The following CHN2 variants were observed in gnomAD, a reference collection of about 807,000 sequenced individuals.
CHN2 encodes the protein beta-chimaerin.
In CHN2, 35 loss-of-function variants were observed where a neutral mutation model predicts 56.3. The observed-to-expected ratio is 0.62, with a 90% CI of 0.47 to 0.82. CHN2 has a LOEUF of 0.82. Ranked by LOEUF, CHN2 falls within the 40% of genes least tolerant of loss-of-function variation. The probability of loss-of-function intolerance (pLI) is 0.00; values close to 1 mark genes in which losing one functional copy is unlikely to be tolerated. For synonymous variants in CHN2, 210 were observed against 212.8 expected (o/e 0.99, Z 0.12); for missense variants, 491 against 580.5 (o/e 0.85, Z 1.58).
At chr7:29,500,298 A>C (rs905634218) in intron 9 of CHN2, among the ~76,000 whole-genome samples, 1 of 152,154 alleles carries the variant, frequency 6.6e-6, no homozygotes, top group African/African-American at 2.4e-5. Flanking sequence ...GTAGGCATTG[A>C]GGTAATAAAG....
At chr7:29,483,433 A>C (rs1468784) in intron 7 of CHN2, among the ~76,000 whole-genome samples, 84 of 152,218 alleles carry the variant, frequency 5.5e-4, no homozygotes, top group African/African-American at 1.0e-3. Context: ...GACAGTTGGC[A>C]CCTCATCGCA....
intron 1 of CHN2, among the ~76,000 whole-genome samples, chr7:29,306,207 G>A (rs1473749053): frequency 3.3e-5 from 5 of 152,080 alleles, no homozygotes; most frequent in African/African-American, 1.2e-4. Context: ...TAAATCTTTG[G>A]TCCCTAAACT....
chr7:29,433,931 C>CAGGA (rs1280804287), intron 6 of CHN2, among the ~76,000 whole-genome samples: 1 of 151,194 alleles, frequency 6.6e-6, no homozygotes, highest in Non-Finnish European at 1.5e-5. Flanking sequence ...GGGAGAGAGG[C>CAGGA]AGGAAGGAAG....
chr7:29,295,487 G>C (rs1030623507), intron 1 of CHN2, among the ~76,000 whole-genome samples: 1 of 151,806 alleles, frequency 6.6e-6, no homozygotes. Flanking sequence ...TCAGGGCCAG[G>C]CATGGTGGCT....
At chr7:29,436,065 A>C (rs1783200759) in intron 6 of CHN2, among the ~76,000 whole-genome samples, 1 of 152,192 alleles carries the variant, frequency 6.6e-6, no homozygotes, top group South Asian at 2.1e-4. Context: ...ACACAAATGC[A>C]GCATGCATGG....
chr7:29,267,443 C>A (rs1325031653), intron 1 of CHN2, among the ~76,000 whole-genome samples: 3 of 152,040 alleles, frequency 2.0e-5, no homozygotes, highest in African/African-American at 7.2e-5. Flanking sequence ...AGGGTTTCAC[C>A]ATGTTAGCCA....
chr7:29,304,659 C>T (rs1171697735), intron 1 of CHN2, among the ~76,000 whole-genome samples: 2 of 152,152 alleles, frequency 1.3e-5, no homozygotes, highest in African/African-American at 4.8e-5. Flanking sequence ...CAAAGATTTG[C>T]ACACGAACTG....
chr7:29,385,048 G>A (rs1162878397), intron 3 of CHN2, among the ~76,000 whole-genome samples: 1 of 152,160 alleles, frequency 6.6e-6, no homozygotes, highest in Non-Finnish European at 1.5e-5. Context: ...TTTCCAGGGA[G>A]GGAGGAGGTT....
chr7:29,348,357 C>A (rs1287814882), intron 1 of CHN2, among the ~76,000 whole-genome samples: 2 of 152,158 alleles, frequency 1.3e-5, no homozygotes, highest in East Asian at 3.8e-4. Context: ...CACTTCCAGG[C>A]CCCTTTAACC....
At chr7:29,254,105 T>C (rs1788864667) in intron 1 of CHN2, among the ~76,000 whole-genome samples, 1 of 152,140 alleles carries the variant, frequency 6.6e-6, no homozygotes, top group Admixed American at 6.5e-5. Context: ...GGTTTTCACC[T>C]TGTTGGTCAG....
intron 6 of CHN2, among the ~76,000 whole-genome samples, chr7:29,474,321 G>A (rs1786408774): frequency 6.6e-6 from 1 of 152,060 alleles, no homozygotes; most frequent in African/African-American, 2.4e-5. Flanking sequence ...CACATTTCTT[G>A]ATATTGTTTT....
At chr7:29,160,347 G>C (rs1286696865) in intron 2 of CHN2, among the ~76,000 whole-genome samples, 1 of 152,100 alleles carries the variant, frequency 6.6e-6, no homozygotes, top group Non-Finnish European at 1.5e-5. Flanking sequence ...CAATTTTCCT[G>C]TTCCTGTATG....
chr7:29,233,927 G>A (rs533646157), intron 1 of CHN2, among the ~76,000 whole-genome samples: 1,944 of 130,358 alleles, frequency 0.015, 41 homozygotes, highest in African/African-American at 0.051. Flanking sequence ...TCCGCCTCCC[G>A]GGTTCACGCC....
chr7:29,481,232 G>A (rs1284820623), intron 7 of CHN2, among the ~76,000 whole-genome samples: 1 of 152,172 alleles, frequency 6.6e-6, no homozygotes, highest in Non-Finnish European at 1.5e-5. Flanking sequence ...TGGAGATGGA[G>A]GATCCAGGAA....
chr7:29,464,120 T>C (rs1230703243), intron 6 of CHN2, among the ~76,000 whole-genome samples: 2 of 152,280 alleles, frequency 1.3e-5, no homozygotes, highest in African/African-American at 4.8e-5. Context: ...TAAGCTTATT[T>C]AAAGCATAGT....
intron 1 of CHN2, among the ~76,000 whole-genome samples, chr7:29,220,269 T>TA (rs1184504119): frequency 1.8e-4 from 13 of 73,282 alleles, no homozygotes; most frequent in Non-Finnish European, 2.3e-4. Context: ...GACCCTGTCT[T>TA]AAAAAAAAAA....
At chr7:29,207,400 A>G (rs1427451866) in intron 1 of CHN2, among the ~76,000 whole-genome samples, 2 of 152,054 alleles carry the variant, frequency 1.3e-5, no homozygotes, top group Non-Finnish European at 2.9e-5. Context: ...CTTGCTCTCT[A>G]GGGCTGGTTA....
chr7:29,507,460 T>C (rs1201340914), intron 11 of CHN2, 95 bp downstream of exon 11: 14 of 940,304 alleles, frequency 1.5e-5, no homozygotes, highest in Non-Finnish European at 2.2e-5. Flanking sequence ...GTTTAAATTA[T>C]TGCATTTGTG....
At chr7:29,253,618 C>T (rs1034079448) in intron 1 of CHN2, among the ~76,000 whole-genome samples, 1 of 152,148 alleles carries the variant, frequency 6.6e-6, no homozygotes, top group Non-Finnish European at 1.5e-5. Context: ...ATGAGCCTTC[C>T]AACTATAGGA....
Sources: gnomAD v4.1 joint callset for allele counts (sites outside exome capture counted in the v4.1 genomes callset) on GRCh38, gnomAD v4.1.1 for gene constraint, MANE v1.5 for transcripts, NCBI Gene and HGNC (gene_info 2026-07-23, HGNC 2026-07-21) for gene names.